CFAP46: variants seen among roughly 807,000 people sequenced by gnomAD.
The protein encoded by CFAP46 is cilia and flagella associated protein 46, also known as cilia- and flagella-associated protein 46.
A neutral mutation model predicts 325.7 loss-of-function variants in CFAP46; 245 were observed. The ratio of observed to expected loss-of-function variants is 0.75; its 90% CI spans 0.68 to 0.84. CFAP46 has a LOEUF of 0.84. CFAP46 is among the 40% of genes least tolerant of loss of function. The pLI is 0.00. For synonymous variants in CFAP46, 1,523 were observed against 1,495.9 expected, an observed-to-expected ratio of 1.02 and a Z score of -0.42; for missense variants, 3,346 against 3,543.0, an observed-to-expected ratio of 0.94 and a Z score of 1.41.
intron 50 of CFAP46, among the ~76,000 whole-genome samples, chr10:132,819,694 AAC>A (rs1847759221): frequency 6.6e-6 from 1 of 152,264 alleles, no homozygotes; most frequent in Non-Finnish European, 1.5e-5. Context: ...CCACACACAA[AAC>A]AATGAGTTTG....
intron 44 of CFAP46, among the ~76,000 whole-genome samples, chr10:132,841,839 C>G (rs1848349496): frequency 6.6e-6 from 1 of 152,192 alleles, no homozygotes; most frequent in African/African-American, 2.4e-5. Context: ...GGGCAGAGAG[C>G]CTGTGGAGGG....
intron 39 of CFAP46, among the ~76,000 whole-genome samples, chr10:132,856,906 C>T (rs1348364224): frequency 6.6e-6 from 1 of 152,174 alleles, no homozygotes; most frequent in Non-Finnish European, 1.5e-5. Flanking sequence ...GGGCTCTGTT[C>T]CGGGACAGTT....
intron 14 of CFAP46, 39 bp downstream of exon 14, chr10:132,920,020 C>T (rs1350367164): frequency 6.8e-7 from 1 of 1,480,266 alleles, no homozygotes; most frequent in South Asian, 1.3e-5. Flanking sequence ...GACCCCCGGG[C>T]TGAGCTGTGC....
Position 132,937,684 on chromosome 10 carries a change from T to C in CFAP46, c.537-9A>G. ...AACACTCCAGAAGTTCCCTGGATAA[T>C]AGAAACACACCACTGGTCAACCTGG... On this transcript the variant is annotated splice_polypyrimidine_tract_variant and intron_variant, in intron 5 of 57. Coordinates refer to ENST00000368586, the MANE Select transcript of CFAP46 (RefSeq NM_001200049.3). 5 of 1,598,304 alleles carry C rather than the reference T, an allele frequency of 3.1e-6. No individual in the cohort carries two copies. Among genetic ancestry groups the C allele is most frequent in the South Asian group, 2.3e-5 (2 of 88,602 alleles).
chr10:132,882,351 G>A (rs1043526272), intron 27 of CFAP46, among the ~76,000 whole-genome samples: 6 of 151,438 alleles, frequency 4.0e-5, no homozygotes, highest in Non-Finnish European at 8.8e-5. Flanking sequence ...GCTGTGTGGG[G>A]GTGGGATACG....
At chr10:132,866,284 A>C in intron 34 of CFAP46, 113 bp from the exon 35 acceptor site, 1 of 1,132,560 alleles carries the variant, frequency 8.8e-7, no homozygotes, top group Non-Finnish European at 1.2e-6. Flanking sequence ...GCCACACCAC[A>C]CCAAGGGCTC....
intron 35 of CFAP46, among the ~76,000 whole-genome samples, chr10:132,864,079 GT>G (rs1848766202): frequency 7.4e-6 from 1 of 135,640 alleles, no homozygotes; most frequent in Non-Finnish European, 1.6e-5. Flanking sequence ...GCACACACCT[GT>G]CCCCGGTGTC....
chr10:132,910,155 A>G, intron 19 of CFAP46, 87 bp from the exon 20 acceptor site: 1 of 1,242,664 alleles, frequency 8.0e-7, no homozygotes, highest in Non-Finnish European at 1.0e-6. Flanking sequence ...AGATGGATGG[A>G]GCCCGCTCCT....
At chr10:132,874,086 T>C (rs953036213) in intron 31 of CFAP46, among the ~76,000 whole-genome samples, 2 of 152,212 alleles carry the variant, frequency 1.3e-5, no homozygotes, top group Non-Finnish European at 2.9e-5. Flanking sequence ...ACCAATCTTA[T>C]ACAAATTTCT....
intron 15 of CFAP46, among the ~76,000 whole-genome samples, chr10:132,918,896 C>T (rs546578348): frequency 5.9e-5 from 9 of 152,360 alleles, no homozygotes; most frequent in Non-Finnish European, 7.3e-5. Context: ...CTCGTCCCTC[C>T]GGGTCCTGAT....
intron 33 of CFAP46, among the ~76,000 whole-genome samples, chr10:132,868,411 C>T (rs74789129): frequency 0.048 from 7,385 of 152,312 alleles, 261 homozygotes; most frequent in Non-Finnish European, 0.069. Flanking sequence ...GTCCCTTATA[C>T]CAGGAGAGTG....
rs751958868 is a variant in CFAP46 at position 132,885,816 on chromosome 10, C to G, written c.3443+5G>C. The G allele has an allele frequency of 4.1e-5, 63 of 1,547,066 alleles. No homozygotes were observed. The highest frequency in any genetic ancestry group is 5.2e-5 in the Non-Finnish European group (60 of 1,145,840). ...GCACTCACAGGCGGTGGGGGGAGCA[C>G]TCACAGGCGGTGGGCCGTCCTTGGC... On this transcript the variant is annotated splice_donor_5th_base_variant and intron_variant, in intron 26 of 57. Transcript: ENST00000368586.
chr10:132,824,550 CTGA>C lies in CFAP46; in HGVS notation c.7117+8805_7117+8807del, dbSNP rs760385982. Among the ~76,000 whole-genome samples, 245 of 101,242 alleles carry C rather than the reference CTGA, an allele frequency of 2.4e-3. 1 individual carries two copies. Among genetic ancestry groups the C allele is most frequent in the Non-Finnish European group, 3.5e-3 (185 of 52,996 alleles). The allele number at this position is 101,242 out of a possible 152,430, so 66.4% of individuals were successfully genotyped here. A position where few individuals can be genotyped will look rare whatever the true frequency, so the allele number is the denominator to read the frequency against. ...TGTGCTGACGTGTGCTGTGTGTGCG[CTGA>C]TGTGTGCTGTGTGTGTGCTGTGTGC... On this transcript the variant is annotated intron_variant, in intron 50 of 57. Transcript: ENST00000368586.
chr10:132,897,771 C>T (rs1375080982), intron 24 of CFAP46, among the ~76,000 whole-genome samples: 1 of 152,228 alleles, frequency 6.6e-6, no homozygotes, highest in African/African-American at 2.4e-5. Flanking sequence ...GGGAGCCAGC[C>T]GAGGAGGGTC....
At chr10:132,892,020 C>T (rs774050412) in intron 25 of CFAP46, among the ~76,000 whole-genome samples, 34 of 152,170 alleles carry the variant, frequency 2.2e-4, no homozygotes, top group Non-Finnish European at 4.0e-4. Flanking sequence ...GGCTGTGTCA[C>T]GGGTCATGCT....
Position 132,933,971 on chromosome 10 carries a change from C to T in CFAP46, c.866+781G>A, listed in dbSNP as rs564033206. 6.6e-5 allele frequency among the ~76,000 whole-genome samples: 10 copies of T among 152,304 alleles called. No homozygotes were observed. In the South Asian group the frequency reaches 8.3e-4, roughly 13 times the overall value. On this transcript the variant is annotated intron_variant, in intron 8 of 57. Transcript: ENST00000368586. ...TGGATCTGTGCCCAGGTTCCCATCC[C>T]GCAGACACAGCGAGGTCATGGACCT...
At chr10:132,898,340 C>T (rs940586070) in intron 24 of CFAP46, among the ~76,000 whole-genome samples, 1 of 152,212 alleles carries the variant, frequency 6.6e-6, no homozygotes, top group African/African-American at 2.4e-5. Context: ...CTGTGCCCAG[C>T]GAGAAGCTGG....
At chr10:132,824,058 T>C (rs1400698066) in intron 50 of CFAP46, among the ~76,000 whole-genome samples, 2 of 128,744 alleles carry the variant, frequency 1.6e-5, no homozygotes, top group Non-Finnish European at 3.2e-5. Flanking sequence ...GTGCTGTGTG[T>C]GCTGATGTGT....
intron 22 of CFAP46, among the ~76,000 whole-genome samples, chr10:132,902,788 T>C (rs1323192086): frequency 6.6e-6 from 1 of 152,244 alleles, no homozygotes; most frequent in Non-Finnish European, 1.5e-5. Flanking sequence ...GGTTTTGTTC[T>C]GACAGGCAGT....
Sources: allele counts gnomAD v4.1 joint callset (sites outside exome capture counted in the v4.1 genomes callset), GRCh38; gene constraint gnomAD v4.1.1; transcripts MANE v1.5; gene names NCBI Gene and HGNC (gene_info 2026-07-23, HGNC 2026-07-21).